The following BCAS1 variants were observed in gnomAD, a reference collection of about 807,000 sequenced individuals.
The protein encoded by BCAS1 is breast carcinoma-amplified sequence 1.
A neutral mutation model predicts 65.4 loss-of-function variants in BCAS1; 46 were observed. The observed-to-expected ratio is 0.70, with a 90% CI of 0.55 to 0.90. The LOEUF is 0.90. Ranked by LOEUF, BCAS1 falls within the 40% of genes least tolerant of loss-of-function variation. The probability of loss-of-function intolerance (pLI) is 0.00; values close to 1 mark genes in which losing one functional copy is unlikely to be tolerated. For synonymous variants in BCAS1, 298 were observed against 293.5 expected (o/e 1.02, Z -0.16); for missense variants, 793 against 771.2 (o/e 1.03, Z -0.33).
chr20:53,989,570 C>T (rs2090702965), intron 7 of BCAS1, among the ~76,000 whole-genome samples: 2 of 152,140 alleles, frequency 1.3e-5, no homozygotes, highest in South Asian at 4.2e-4. Flanking sequence ...CCTGTCATGC[C>T]ATATTTCCAG....
chr20:54,060,606 G>A (rs992711310), intron 1 of BCAS1, among the ~76,000 whole-genome samples: 2 of 152,038 alleles, frequency 1.3e-5, no homozygotes, highest in African/African-American at 2.4e-5. Context: ...ACAGGCATGA[G>A]CCACTGCGCC....
chr20:54,062,983 G>A (rs1358242737), intron 1 of BCAS1, among the ~76,000 whole-genome samples: 1 of 152,206 alleles, frequency 6.6e-6, no homozygotes, highest in African/African-American at 2.4e-5. Context: ...TCAGCCTACA[G>A]GACTAGGTCC....
chr20:53,950,880 A>G (rs1009735831), intron 12 of BCAS1, among the ~76,000 whole-genome samples: 1 of 152,234 alleles, frequency 6.6e-6, no homozygotes. Flanking sequence ...GCAGCTAGAC[A>G]ACATGTAAAT....
At chr20:53,952,329 G>A (rs181762620) in intron 12 of BCAS1, among the ~76,000 whole-genome samples, 13 of 152,324 alleles carry the variant, frequency 8.5e-5, no homozygotes, top group Admixed American at 1.3e-4. Flanking sequence ...ATGGAGCTGG[G>A]AGTCCAGTGG....
At chr20:53,975,581 G>A (rs1014014005) in intron 8 of BCAS1, 151 bp from the exon 9 acceptor site, 3 of 439,782 alleles carry the variant, frequency 6.8e-6, no homozygotes, top group Non-Finnish European at 1.2e-5. Flanking sequence ...AAAGAAAGGA[G>A]ACTTACAAAA....
intron 4 of BCAS1, among the ~76,000 whole-genome samples, chr20:53,997,764 C>T (rs7274783): frequency 0.13 from 19,071 of 152,034 alleles, 2,585 homozygotes; most frequent in African/African-American, 0.34. Context: ...AGACCTAAAA[C>T]GTATCCGGGC....
chr20:54,065,350 C>G (rs1284366018), intron 1 of BCAS1, among the ~76,000 whole-genome samples: 3 of 152,142 alleles, frequency 2.0e-5, no homozygotes, highest in African/African-American at 7.2e-5. Context: ...ATATGCTGTT[C>G]TTTGTTTCTC....
intron 9 of BCAS1, among the ~76,000 whole-genome samples, chr20:53,974,016 T>G (rs998602214): frequency 2.7e-5 from 4 of 150,224 alleles, no homozygotes; most frequent in Non-Finnish European, 6.0e-5. Context: ...CAGTCAGCAC[T>G]TTGTGTCTAG....
At chr20:53,961,856 T>C (rs2145585476) in intron 10 of BCAS1, among the ~76,000 whole-genome samples, 1 of 152,280 alleles carries the variant, frequency 6.6e-6, no homozygotes, top group Non-Finnish European at 1.5e-5. Context: ...CCATAAATAC[T>C]CACTAGTCTC....
chr20:54,033,114 T>C (rs532562910), intron 3 of BCAS1, among the ~76,000 whole-genome samples: 1 of 151,166 alleles, frequency 6.6e-6, no homozygotes, highest in South Asian at 2.1e-4. Context: ...AGAACAAAGA[T>C]ACAACATACC....
chr20:53,991,440 C>T (rs965402656), intron 7 of BCAS1, among the ~76,000 whole-genome samples: 8 of 152,130 alleles, frequency 5.3e-5, no homozygotes, highest in African/African-American at 1.7e-4. Context: ...TATACAATCC[C>T]GGGACTGTGA....
At chr20:54,050,567 C>T (rs1188973397) in intron 3 of BCAS1, among the ~76,000 whole-genome samples, 7 of 152,208 alleles carry the variant, frequency 4.6e-5, no homozygotes, top group Non-Finnish European at 1.5e-5. Flanking sequence ...ACAGTACATA[C>T]ACAGATACAC....
chr20:53,945,642 T>C (rs1219993347), intron 12 of BCAS1, among the ~76,000 whole-genome samples: 2 of 152,208 alleles, frequency 1.3e-5, no homozygotes, highest in Non-Finnish European at 2.9e-5. Context: ...GTCTAACATC[T>C]GTCTTCTACA....
In BCAS1 at chr20:53,957,485, C is replaced by T. The variant is rs1027786237; in HGVS notation, c.1498G>A (p.Asp500Asn). 1 of 1,614,074 alleles carries T rather than the reference C, an allele frequency of 6.2e-7. No homozygotes were observed. The highest frequency in any genetic ancestry group is 8.5e-7 in the Non-Finnish European group (1 of 1,179,892). The change falls in exon 11 of 13, where the codon GAT becomes AAT. Residue 500 changes from aspartate to asparagine, a missense_variant. Coordinates refer to ENST00000688948, the MANE Select transcript of BCAS1 (RefSeq NM_001366298.2). ...AFLRQMSVKGDGGITHSEEIN... is the reference protein window; with the variant it reads ...AFLRQMSVKGNGGITHSEEIN... ...TCTTCTGAGTGGGTGATCCCTCCAT[C>T]CCCTTTCACTGACTAAAATAACAAA...
chr20:54,033,172 G>C (rs2091836311), intron 3 of BCAS1, among the ~76,000 whole-genome samples: 1 of 151,100 alleles, frequency 6.6e-6, no homozygotes, highest in Non-Finnish European at 1.5e-5. Context: ...GAAATTTATA[G>C]CACTAAATCC....
chr20:54,045,963 G>A (rs1045127279), intron 3 of BCAS1, among the ~76,000 whole-genome samples: 1 of 152,188 alleles, frequency 6.6e-6, no homozygotes, highest in Non-Finnish European at 1.5e-5. Context: ...TAGCTTGGGT[G>A]TCCTTGGAGG....
intron 8 of BCAS1, among the ~76,000 whole-genome samples, chr20:53,979,546 G>A (rs1438392905): frequency 6.6e-6 from 1 of 152,230 alleles, no homozygotes; most frequent in African/African-American, 2.4e-5. Context: ...GCAAGAGACA[G>A]GTGAACTCTC....
rs942322688 is a variant in BCAS1, at chr20:54,058,793, G to C, written c.-5-70C>G. 1.6e-5 allele frequency: 25 copies of C among 1,576,828 alleles called. No homozygotes were observed. In the African/African-American group the frequency reaches 3.0e-4, roughly 19 times the overall value. ...AAACGAAGCTACATGTGCTACTAAG[G>C]TGCAGAGGCCTGACAAGCCGCCCAT... On this transcript the variant is annotated intron_variant, in intron 1 of 12. Transcript: ENST00000688948.
chr20:54,016,606 C>T (rs888017630), intron 4 of BCAS1, among the ~76,000 whole-genome samples: 1 of 152,218 alleles, frequency 6.6e-6, no homozygotes, highest in Non-Finnish European at 1.5e-5. Flanking sequence ...AAATTGCATA[C>T]TGCCAAAGCG....
Sources: allele counts gnomAD v4.1 joint callset (sites outside exome capture counted in the v4.1 genomes callset), GRCh38; gene constraint gnomAD v4.1.1; transcripts MANE v1.5; gene names NCBI Gene and HGNC (gene_info 2026-07-23, HGNC 2026-07-21).